IPMK: variants seen among roughly 807,000 people sequenced by gnomAD.
IPMK encodes inositol 1,3,4,6-tetrakisphosphate 5-kinase.
In IPMK, 17 loss-of-function variants were observed where a neutral mutation model predicts 45.8. The ratio of observed to expected loss-of-function variants is 0.37; its 90% CI spans 0.25 to 0.56. The LOEUF (loss-of-function observed/expected upper bound fraction) is 0.56. Ranked by LOEUF, IPMK falls within the 20% of genes least tolerant of loss-of-function variation. The pLI, the probability that IPMK is intolerant of heterozygous loss-of-function variation, is 0.79. For synonymous variants in IPMK, 180 were observed against 184.3 expected, an observed-to-expected ratio of 0.98 and a Z score of 0.19; for missense variants, 399 against 498.0, an observed-to-expected ratio of 0.80 and a Z score of 1.89.
rs962434531 is a variant in IPMK, at chr10:58,204,382, G to A, written c.547-5061C>T. ...CAAAAGCAAGCTCCAGCTTTTCCTC[G>A]TACGTCACCATATTAGTTGCTCATT... On this transcript the variant is annotated intron_variant, in intron 4 of 5. Coordinates refer to ENST00000373935, the MANE Select transcript of IPMK (RefSeq NM_152230.5). Among the ~76,000 whole-genome samples the A allele has an allele frequency of 6.6e-5, 10 of 152,036 alleles. No homozygotes were observed. The South Asian group carries it at 1.7e-3, about 25-fold the overall frequency.
At chr10:58,210,649 C>T (rs750491419) in intron 4 of IPMK, among the ~76,000 whole-genome samples, 3 of 152,172 alleles carry the variant, frequency 2.0e-5, no homozygotes, top group Non-Finnish European at 2.9e-5. Context: ...CCTGCTGTTG[C>T]TTCTACTTTT....
intron 4 of IPMK, among the ~76,000 whole-genome samples, chr10:58,204,548 C>T (rs1223812117): frequency 1.3e-5 from 2 of 152,158 alleles, no homozygotes; most frequent in Admixed American, 1.3e-4. Context: ...AATCCCAGCA[C>T]TTTGGGAGGC....
intron 2 of IPMK, among the ~76,000 whole-genome samples, chr10:58,228,768 C>T (rs549020709): frequency 1.3e-5 from 2 of 152,266 alleles, no homozygotes; most frequent in Admixed American, 1.3e-4. Flanking sequence ...CTCCTGACCT[C>T]GTGATCCACC....
At chr10:58,197,175 C>T (rs180865750) in intron 5 of IPMK, among the ~76,000 whole-genome samples, 140 of 151,632 alleles carry the variant, frequency 9.2e-4, no homozygotes, top group African/African-American at 3.2e-3. Context: ...TGGCGGGCAC[C>T]TGTAGTCCCA....
rs116836461 is a variant in IPMK at position 58,239,086 on chromosome 10, C to T, written c.191-1272G>A. 7.9e-3 allele frequency among the ~76,000 whole-genome samples: 1,201 copies of T among 152,192 alleles called. 18 individuals are homozygous for T. Among genetic ancestry groups the T allele is most frequent in the African/African-American group, 0.025 (1,045 of 41,534 alleles). ...ATGGCTTGAGCCCAGGAGTTTGAGG[C>T]TGCAATTAGCTATGATCAGGCCACT... is the stretch of plus-strand genomic sequence containing the variant. On this transcript the variant is annotated intron_variant, in intron 1 of 5. Coordinates refer to ENST00000373935, the MANE Select transcript of IPMK (RefSeq NM_152230.5).
chr10:58,242,677 GA>G (rs150322780), intron 1 of IPMK, among the ~76,000 whole-genome samples: 7,506 of 152,024 alleles, frequency 0.049, 446 homozygotes, highest in East Asian at 0.31. Context: ...CACAAAGGGA[GA>G]AAAAATAAAA....
rs531902838 is a variant in IPMK, at chr10:58,239,963, C to T, written c.191-2149G>A. On this transcript the variant is annotated intron_variant, in intron 1 of 5. Coordinates refer to ENST00000373935, the MANE Select transcript of IPMK (RefSeq NM_152230.5). ...AAACAAAACAAAAAATAGTACACAT[C>T]ACTTCCCACGGTTCTTTAAATAAAA... Among the ~76,000 whole-genome samples, 21 of 152,198 alleles carry T rather than the reference C, an allele frequency of 1.4e-4. 1 individual carries two copies. Among genetic ancestry groups the T allele is most frequent in the African/African-American group, 4.8e-4 (20 of 41,526 alleles).
chr10:58,255,665 G>A lies in IPMK; in HGVS notation c.190+11757C>T, dbSNP rs1475519879. Among the ~76,000 whole-genome samples, 16 of 145,668 alleles carry A rather than the reference G, an allele frequency of 1.1e-4. No homozygotes were observed. In the East Asian group the frequency reaches 2.6e-3, roughly 24 times the overall value. ...TATATTTCTTTTTTTTTTCTTTTTTGTAAATTTCTCCTGGAATTTTCTATG... is the reference window on the plus strand; with the variant it reads ...TATATTTCTTTTTTTTTTCTTTTTTATAAATTTCTCCTGGAATTTTCTATG... On this transcript the variant is annotated intron_variant, in intron 1 of 5. Coordinates refer to ENST00000373935, the MANE Select transcript of IPMK (RefSeq NM_152230.5).
At chr10:58,234,497 C>G (rs981373660) in intron 2 of IPMK, among the ~76,000 whole-genome samples, 1 of 152,128 alleles carries the variant, frequency 6.6e-6, no homozygotes, top group East Asian at 1.9e-4. Flanking sequence ...ACAGAGTCCT[C>G]AGAAAGAACA....
At chr10:58,238,893 C>T (rs1838656899) in intron 1 of IPMK, among the ~76,000 whole-genome samples, 2 of 151,290 alleles carry the variant, frequency 1.3e-5, no homozygotes, top group Admixed American at 6.6e-5. Flanking sequence ...GGCATGCTGG[C>T]TCACACCTGT....
Position 58,192,543 on chromosome 10 carries a change from T to C in IPMK, c.*3533A>G, listed in dbSNP as rs1466196495. ...TTTCAACCCCACACTTATTATCTTA[T>C]TTAGATGCCTATTTTTCTATATCTC... is the stretch of plus-strand genomic sequence containing the variant. On this transcript the variant is annotated 3_prime_UTR_variant, in exon 6 of 6. Coordinates refer to ENST00000373935, the MANE Select transcript of IPMK (RefSeq NM_152230.5). 2.0e-5 allele frequency: 3 copies of C among 152,056 alleles called. No individual in the cohort carries two copies. The highest frequency in any genetic ancestry group is 4.4e-5 in the Non-Finnish European group (3 of 67,910). 9.4% of individuals were successfully genotyped at this position (152,056 alleles called of 1,614,324 possible). A position where few individuals can be genotyped will look rare whatever the true frequency, so the allele number is the denominator to read the frequency against.
Position 58,196,038 on chromosome 10 carries a change from T to C in IPMK, c.*38A>G. 3 of 1,568,694 alleles carry C rather than the reference T, an allele frequency of 1.9e-6. No homozygotes were observed. Among genetic ancestry groups the C allele is most frequent in the South Asian group, 1.2e-5 (1 of 83,780 alleles). ...AGATATTGACTGCCCCTCTTCATTA[T>C]GATTGGCCCACCCCTTAAAAAGACT... On this transcript the variant is annotated 3_prime_UTR_variant, in exon 6 of 6. Transcript: ENST00000373935.
intron 4 of IPMK, among the ~76,000 whole-genome samples, chr10:58,210,356 C>A (rs1234713365): frequency 6.6e-6 from 1 of 152,182 alleles, no homozygotes; most frequent in Non-Finnish European, 1.5e-5. Flanking sequence ...AGCTTCCCCA[C>A]TGAGAAAGCA....
chr10:58,199,331 A>G lies in IPMK; in HGVS notation c.547-10T>C. Reference sequence around the variant, plus strand: ...AATGAACATGATAAACCTGTCAAAAAAAGCAGTGAATATTAAAAAGCTAAT... The same window carrying G: ...AATGAACATGATAAACCTGTCAAAAGAAGCAGTGAATATTAAAAAGCTAAT... On this transcript the variant is annotated splice_polypyrimidine_tract_variant and intron_variant, in intron 4 of 5. Transcript: ENST00000373935. 1 of 1,583,968 alleles carries G rather than the reference A, an allele frequency of 6.3e-7. No homozygotes were observed. The highest frequency in any genetic ancestry group is 8.6e-7 in the Non-Finnish European group (1 of 1,161,792).
intron 1 of IPMK, among the ~76,000 whole-genome samples, chr10:58,258,274 C>T (rs964187030): frequency 4.3e-4 from 65 of 152,114 alleles, no homozygotes; most frequent in African/African-American, 1.4e-3. Flanking sequence ...TATGCCACTG[C>T]ACTCCAGCCT....
rs916023423 is a variant in IPMK at position 58,193,696 on chromosome 10, A to G, written c.*2380T>C. 6.6e-6 allele frequency: 1 copy of G among 151,826 alleles called. No individual in the cohort carries two copies. The allele number at this position is 151,826 out of a possible 1,614,324, so 9.4% of individuals were successfully genotyped here. Reference sequence around the variant, plus strand: ...TATGTTTCATAGGGGAAAAAAAACTATGAGAATCCTATTAACCCAAACTAT... The same window carrying G: ...TATGTTTCATAGGGGAAAAAAAACTGTGAGAATCCTATTAACCCAAACTAT... On this transcript the variant is annotated 3_prime_UTR_variant, in exon 6 of 6. Transcript: ENST00000373935.
At chr10:58,217,769 G>T (rs1838269452) in intron 3 of IPMK, among the ~76,000 whole-genome samples, 1 of 145,196 alleles carries the variant, frequency 6.9e-6, no homozygotes, top group African/African-American at 2.6e-5. Context: ...AATGTAACAA[G>T]AAGTATTTCT....
chr10:58,216,023 C>T, intron 4 of IPMK, 122 bp downstream of exon 4: 1 of 704,158 alleles, frequency 1.4e-6, no homozygotes, highest in Non-Finnish European at 2.1e-6. Context: ...TGGGGAGTTA[C>T]AGACAACTCA....
rs1837827244 is a variant in IPMK, at chr10:58,192,168, A to G, written c.*3908T>C. The G allele has an allele frequency of 6.6e-6, 1 of 152,032 alleles. No individual in the cohort carries two copies. Among genetic ancestry groups the G allele is most frequent in the African/African-American group, 2.4e-5 (1 of 41,442 alleles). 9.4% of individuals were successfully genotyped at this position (152,032 alleles called of 1,614,324 possible). A position where few individuals can be genotyped will look rare whatever the true frequency, so the allele number is the denominator to read the frequency against. On this transcript the variant is annotated 3_prime_UTR_variant, in exon 6 of 6. Transcript: ENST00000373935. ...TTTTCTAAGAAATTAATGCATTTTC[A>G]AAGTAATAATATAATCAATCTGTAA...
Sources: gnomAD v4.1 joint callset for allele counts (sites outside exome capture counted in the v4.1 genomes callset) on GRCh38, gnomAD v4.1.1 for gene constraint, MANE v1.5 for transcripts, NCBI Gene and HGNC (gene_info 2026-07-23, HGNC 2026-07-21) for gene names.